The following SLC25A16 variants were observed in gnomAD, a reference collection of about 807,000 sequenced individuals.
The protein encoded by SLC25A16 is solute carrier family 25 member 16.
SLC25A16 carries 39 observed loss-of-function variants against 41.5 expected under a neutral mutation model. That is an observed-to-expected ratio of 0.94 (90% CI 0.73 to 1.23). SLC25A16 has a LOEUF of 1.23. Ranked by LOEUF, SLC25A16 falls within the 50% of genes most tolerant of loss-of-function variation. SLC25A16 has a pLI of 0.00. For missense variants in SLC25A16, 421 were observed against 426.9 expected, an observed-to-expected ratio of 0.99 and a Z score of 0.12; for synonymous variants, 146 against 147.8, an observed-to-expected ratio of 0.99 and a Z score of 0.09.
rs761476381 is a variant in SLC25A16 at position 68,506,663 on chromosome 10, A to G, written c.279T>C (p.Tyr93=). 4.4e-6 allele frequency: 7 copies of G among 1,595,842 alleles called. No individual in the cohort carries two copies. Among genetic ancestry groups the G allele is most frequent in the Non-Finnish European group, 6.0e-6 (7 of 1,167,458 alleles). Residue 93 remains tyrosine (Y), a synonymous_variant, in exon 3 of 9, where the codon TAT becomes TAC. Coordinates refer to ENST00000609923, the MANE Select transcript of SLC25A16 (RefSeq NM_152707.4). ...VPQKEGFLGL[Y]KGNGAMMIRI... is the part of the protein sequence containing the mutation. The stretch of plus-strand genomic sequence containing the variant: ...GAATCATCATTGCACCATTTCCTTT[A>G]TACAATCCAAGGAATCCTTCTTTTT...
At chr10:68,510,003 G>A (rs2053032910) in intron 2 of SLC25A16, among the ~76,000 whole-genome samples, 1 of 151,786 alleles carries the variant, frequency 6.6e-6, no homozygotes, top group African/African-American at 2.4e-5. Flanking sequence ...CTTGAAACCA[G>A]GAGGCAGAGG....
intron 6 of SLC25A16, among the ~76,000 whole-genome samples, chr10:68,491,094 G>C (rs1360677741): frequency 6.6e-6 from 1 of 152,022 alleles, no homozygotes; most frequent in African/African-American, 2.4e-5. Context: ...GCCAAGGCTG[G>C]TCTCAAATTC....
rs2052463242 is a variant in SLC25A16, at chr10:68,479,630, C to T, written c.*3802G>A. 1 of 152,068 alleles carries T rather than the reference C, an allele frequency of 6.6e-6. No homozygotes were observed. Among genetic ancestry groups the T allele is most frequent in the Non-Finnish European group, 1.5e-5 (1 of 68,052 alleles). 9.4% of individuals were successfully genotyped at this position (152,068 alleles called of 1,614,324 possible). ...GACCAGCCTGGCCAACAGGGCAAAA[C>T]CCAGCTCTACTAAATACACAAAAAT... On this transcript the variant is annotated 3_prime_UTR_variant, in exon 9 of 9. Coordinates refer to ENST00000609923, the MANE Select transcript of SLC25A16 (RefSeq NM_152707.4).
chr10:68,493,860 T>A (rs955892538), intron 4 of SLC25A16, among the ~76,000 whole-genome samples: 4 of 152,084 alleles, frequency 2.6e-5, no homozygotes, highest in East Asian at 1.9e-4. Context: ...TTAAAAAAAA[T>A]TATTCTACTA....
chr10:68,498,189 C>T (rs1435390134), intron 4 of SLC25A16, among the ~76,000 whole-genome samples: 10 of 152,202 alleles, frequency 6.6e-5, no homozygotes, highest in Non-Finnish European at 1.5e-4. Context: ...AACTTACCTA[C>T]ATTCCAATTT....
In SLC25A16 at chr10:68,493,201, T is replaced by G; in HGVS notation, c.544-3A>C. On this transcript the variant is annotated splice_polypyrimidine_tract_variant and splice_region_variant and intron_variant, in intron 5 of 8. Transcript: ENST00000609923. ...TAAAATCCAAAGAAACCACCTTCCT[T>G]TTGAGTGAAGGAAAATTGCAAGTGA... 1.3e-6 allele frequency: 2 copies of G among 1,582,298 alleles called. No homozygotes were observed. The highest frequency in any genetic ancestry group is 1.7e-6 in the Non-Finnish European group (2 of 1,165,494).
intron 2 of SLC25A16, among the ~76,000 whole-genome samples, chr10:68,515,188 C>G (rs2053140080): frequency 6.7e-6 from 1 of 150,300 alleles, no homozygotes; most frequent in Non-Finnish European, 1.5e-5. Context: ...GAAACCCCGT[C>G]TCTACTAAAA....
chr10:68,489,610 T>C (rs900213678), intron 6 of SLC25A16, among the ~76,000 whole-genome samples: 2 of 151,680 alleles, frequency 1.3e-5, no homozygotes, highest in Non-Finnish European at 1.5e-5. Context: ...TATTGTGATG[T>C]TTATTGAATT....
chr10:68,485,099 CT>C lies in SLC25A16; in HGVS notation c.843-1512del, dbSNP rs1309736584. On this transcript the variant is annotated intron_variant, in intron 8 of 8. Transcript: ENST00000609923. ...TATATATATATTTTTTCTTCTTTTTCTTTTCTTTTTTATTGACACGCAGCCT... is the reference window on the plus strand; with the variant it reads ...TATATATATATTTTTTCTTCTTTTTCTTTCTTTTTTATTGACACGCAGCCT... 2.0e-5 allele frequency among the ~76,000 whole-genome samples: 3 copies of C among 151,986 alleles called. No homozygotes were observed. In the East Asian group the frequency reaches 5.8e-4, roughly 29 times the overall value.
Position 68,516,767 on chromosome 10 carries a change from G to A in SLC25A16, c.207C>T (p.His69=). The A allele has an allele frequency of 1.9e-6, 3 of 1,606,648 alleles. No individual in the cohort carries two copies. Among genetic ancestry groups the A allele is most frequent in the South Asian group, 1.1e-5 (1 of 90,416 alleles). ...RVKVLLQAHN[H]HYKHLGVFSA... ...TTAACTCACCTAAATGCTTGTAATGGTGATTGTGAGCTTGTAATAAAACCT... is the reference window on the plus strand; with the variant it reads ...TTAACTCACCTAAATGCTTGTAATGATGATTGTGAGCTTGTAATAAAACCT... The change falls in exon 2 of 9, where the codon CAC becomes CAT. Residue 69 remains histidine, a synonymous_variant. Transcript: ENST00000609923.
chr10:68,490,135 G>T (rs1327368757), intron 6 of SLC25A16, among the ~76,000 whole-genome samples: 1 of 151,944 alleles, frequency 6.6e-6, no homozygotes, highest in East Asian at 1.9e-4. Flanking sequence ...AGTGTTACGT[G>T]TCTGCAGTCC....
chr10:68,493,020 A>T, intron 6 of SLC25A16, 112 bp downstream of exon 6: 2 of 683,926 alleles, frequency 2.9e-6, no homozygotes, highest in Non-Finnish European at 5.1e-6. Context: ...ATCATTTCTT[A>T]TTAAAAGTAC....
chr10:68,493,509 C>A lies in SLC25A16; in HGVS notation c.483G>T (p.Gln161His). The A allele has an allele frequency of 6.2e-7, 1 of 1,613,228 alleles. No homozygotes were observed. Among genetic ancestry groups the A allele is most frequent in the Admixed American group, 1.7e-5 (1 of 59,990 alleles). ...CTGTATAGCTGTGTTCCCCTTTCACCTGGAATGCTAGGCGGACCCTAACCA... is the reference window on the plus strand; with the variant it reads ...CTGTATAGCTGTGTTCCCCTTTCACATGGAATGCTAGGCGGACCCTAACCA... ...LDMVRVRLAF[Q>H]VKGEHSYTGI... is the part of the protein sequence containing the mutation. Residue 161 changes from glutamine to histidine, a missense_variant, in exon 5 of 9, where the codon CAG becomes CAT. Coordinates refer to ENST00000609923, the MANE Select transcript of SLC25A16 (RefSeq NM_152707.4).
intron 2 of SLC25A16, among the ~76,000 whole-genome samples, chr10:68,507,775 C>T (rs555845866): frequency 6.6e-6 from 1 of 152,092 alleles, no homozygotes; most frequent in African/African-American, 2.4e-5. Flanking sequence ...ATTTTTCAAG[C>T]AAACTTTTGA....
intron 1 of SLC25A16, among the ~76,000 whole-genome samples, chr10:68,525,160 G>A (rs2053316832): frequency 6.6e-6 from 1 of 152,008 alleles, no homozygotes; most frequent in Admixed American, 6.6e-5. Flanking sequence ...TTGTTTTTGA[G>A]ATGGAGTGTC....
intron 8 of SLC25A16, among the ~76,000 whole-genome samples, chr10:68,485,832 C>A (rs546518757): frequency 1.4e-5 from 2 of 146,202 alleles, no homozygotes; most frequent in East Asian, 4.2e-4. Flanking sequence ...GAGTCTCACT[C>A]TATCGCCCAG....
At chr10:68,523,257 T>C (rs1312294374) in intron 1 of SLC25A16, among the ~76,000 whole-genome samples, 1 of 151,952 alleles carries the variant, frequency 6.6e-6, no homozygotes. Context: ...CATGCCCAGC[T>C]AATTTTTGTA....
rs866117116 is a variant in SLC25A16, at chr10:68,485,800, T to A, written c.842+1344A>T. Among the ~76,000 whole-genome samples the A allele has an allele frequency of 3.2e-4, 42 of 130,008 alleles. 1 individual carries two copies. In the South Asian group the frequency reaches 3.3e-3, roughly 10 times the overall value. 85.3% of individuals were successfully genotyped at this position (130,008 alleles called of 152,430 possible). On this transcript the variant is annotated intron_variant, in intron 8 of 8. Coordinates refer to ENST00000609923, the MANE Select transcript of SLC25A16 (RefSeq NM_152707.4). ...CGTGCCTCAGCCTCCTAAGCAATAT[T>A]TTTTTTTTTTTTTTTGAGATGGAGT...
chr10:68,518,867 T>C (rs2053205274), intron 1 of SLC25A16, among the ~76,000 whole-genome samples: 1 of 152,044 alleles, frequency 6.6e-6, no homozygotes, highest in Non-Finnish European at 1.5e-5. Flanking sequence ...CCACTATGTT[T>C]CCATATCAAA....
Sources: allele counts gnomAD v4.1 joint callset (sites outside exome capture counted in the v4.1 genomes callset), GRCh38; gene constraint gnomAD v4.1.1; transcripts MANE v1.5; gene names NCBI Gene and HGNC (gene_info 2026-07-23, HGNC 2026-07-21).